Variants in LOXL1 observed in about 807,000 individuals in gnomAD.
The protein encoded by LOXL1 is lysyl oxidase homolog 1.
A neutral mutation model predicts 62.2 loss-of-function variants in LOXL1; 31 were observed. The ratio of observed to expected loss-of-function variants is 0.50; its 90% CI spans 0.37 to 0.67. The LOEUF is 0.67. Among genes scored for constraint, LOXL1 ranks in the 30% least tolerant of loss-of-function variants. The probability of loss-of-function intolerance (pLI) is 0.00; values close to 1 mark genes in which losing one functional copy is unlikely to be tolerated. For missense variants in LOXL1, 775 were observed against 843.4 expected, an observed-to-expected ratio of 0.92 and a Z score of 1.00; for synonymous variants, 403 against 384.4, an observed-to-expected ratio of 1.05 and a Z score of -0.56.
At chr15:73,944,961 C>T (rs1232846457) in intron 2 of LOXL1, among the ~76,000 whole-genome samples, 2 of 152,322 alleles carry the variant, frequency 1.3e-5, no homozygotes, top group East Asian at 1.9e-4. Flanking sequence ...GCCTTAGGAT[C>T]GGACCTTAAT....
intron 1 of LOXL1, among the ~76,000 whole-genome samples, chr15:73,929,018 A>G (rs1050458965): frequency 2.0e-5 from 3 of 152,192 alleles, no homozygotes; most frequent in African/African-American, 7.2e-5. Context: ...CCCTCTGCAC[A>G]TGAGGACACA....
Position 73,926,942 on chromosome 15 carries a change from C to T in LOXL1, c.159C>T (p.Ser53=). ...IQWENNGQVY[S]LLNSGSEYVP... ...GGGAGAACAACGGGCAGGTGTACAG[C>T]TTGCTCAACTCGGGCTCAGAGTACG... Residue 53 remains serine (S), a synonymous_variant, in exon 1 of 7, where the codon AGC becomes AGT. Transcript: ENST00000261921. The T allele has an allele frequency of 6.4e-7, 1 of 1,561,216 alleles. No individual in the cohort carries two copies. Among genetic ancestry groups the T allele is most frequent in the East Asian group, 2.4e-5 (1 of 41,738 alleles).
rs1317516682 is a variant in LOXL1, at chr15:73,946,470, T to A, written c.1265T>A (p.Phe422Tyr). 6.2e-7 allele frequency: 1 copy of A among 1,613,008 alleles called. No homozygotes were observed. ...TACGATGTGCGGGTGCTACTGCGCTTCCCCCAGCGCGTGAAGAACCAGGGC... is the reference window on the plus strand; with the variant it reads ...TACGATGTGCGGGTGCTACTGCGCTACCCCCAGCGCGTGAAGAACCAGGGC... ...TDYDVRVLLR[F>Y]PQRVKNQGTA... is the part of the protein sequence containing the mutation. Residue 422 changes from phenylalanine to tyrosine, a missense_variant, in exon 3 of 7, where the codon TTC becomes TAC. By Grantham distance (22) the Phe-to-Tyr change is conservative. Transcript: ENST00000261921.
chr15:73,938,319 G>GTCTATCTATCTATCTATC lies in LOXL1; in HGVS notation c.1103-4534_1103-4533insCTATCTATCTATCTATCT, dbSNP rs1555433316. 4.2e-3 allele frequency among the ~76,000 whole-genome samples: 384 copies of GTCTATCTATCTATCTATC among 91,032 alleles called. 1 individual carries two copies. Among genetic ancestry groups the GTCTATCTATCTATCTATC allele is most frequent in the African/African-American group, 9.9e-3 (202 of 20,446 alleles). The allele number at this position is 91,032 out of a possible 152,430, so 59.7% of individuals were successfully genotyped here. A position where few individuals can be genotyped will look rare whatever the true frequency, so the allele number is the denominator to read the frequency against. Reference sequence around the variant, plus strand: ...TCTATCTATCTATCTATCTATCTAGGTAGATAGATAGAACAGGAGGCCAGC... The same window carrying GTCTATCTATCTATCTATC: ...TCTATCTATCTATCTATCTATCTAGGTCTATCTATCTATCTATCTAGATAGATAGAACAGGAGGCCAGC... On this transcript the variant is annotated intron_variant, in intron 1 of 6. Transcript: ENST00000261921.
rs894370884 is a variant in LOXL1 at position 73,930,741 on chromosome 15, C to T, written c.1102+2856C>T. Among the ~76,000 whole-genome samples, 5 of 152,170 alleles carry T rather than the reference C, an allele frequency of 3.3e-5. No homozygotes were observed. Among genetic ancestry groups the T allele is most frequent in the African/African-American group, 9.7e-5 (4 of 41,436 alleles). On this transcript the variant is annotated intron_variant, in intron 1 of 6. Transcript: ENST00000261921. The surrounding 1 kb of genome is among the most constrained non-coding windows in gnomAD (Gnocchi z 4.7). ...CCTGTCCTGAGCCCAGTTTCTTCCT[C>T]GGGTACCTGTGCCCTCTTCCTTCCT...
chr15:73,951,484 G>A (rs968432115), intron 6 of LOXL1, among the ~76,000 whole-genome samples: 3 of 151,976 alleles, frequency 2.0e-5, no homozygotes, highest in Non-Finnish European at 2.9e-5. Context: ...GGTTTCCATC[G>A]TGTTTCTGGA....
chr15:73,944,464 G>A (rs538595390), intron 2 of LOXL1, among the ~76,000 whole-genome samples: 4 of 152,308 alleles, frequency 2.6e-5, no homozygotes, highest in African/African-American at 9.6e-5. Context: ...CAGAAGGACT[G>A]GTTCACAGGC....
intron 1 of LOXL1, among the ~76,000 whole-genome samples, chr15:73,940,972 A>G (rs1423442449): frequency 6.6e-6 from 1 of 151,684 alleles, no homozygotes; most frequent in Non-Finnish European, 1.5e-5. Context: ...GGGTGGGGGC[A>G]GCAAGCTGTC....
At chr15:73,937,177 C>T (rs1002924291) in intron 1 of LOXL1, among the ~76,000 whole-genome samples, 3 of 152,160 alleles carry the variant, frequency 2.0e-5, no homozygotes, top group Non-Finnish European at 1.5e-5. Flanking sequence ...CAACTCCAGA[C>T]CCAGCATTGA....
chr15:73,938,753 C>T (rs1057402339), intron 1 of LOXL1, among the ~76,000 whole-genome samples: 3 of 152,078 alleles, frequency 2.0e-5, no homozygotes, highest in African/African-American at 4.8e-5. Flanking sequence ...CGGTGGTTCA[C>T]GCCTGCAATC....
chr15:73,950,934 A>G (rs1295436339), intron 6 of LOXL1, among the ~76,000 whole-genome samples: 2 of 152,266 alleles, frequency 1.3e-5, no homozygotes, highest in Admixed American at 6.5e-5. Context: ...CCCAGGGCAC[A>G]CAGCATGTTT....
chr15:73,937,595 G>A (rs1011219447), intron 1 of LOXL1, among the ~76,000 whole-genome samples: 1 of 152,252 alleles, frequency 6.6e-6, no homozygotes, highest in South Asian at 2.1e-4. Flanking sequence ...CCGGCACAGG[G>A]CCTCAGGCCC....
In LOXL1 at chr15:73,947,265, G is replaced by A. The variant is rs768937332; in HGVS notation, c.1506+42G>A. The A allele has an allele frequency of 1.3e-5, 21 of 1,560,402 alleles. 1 individual carries two copies. Among genetic ancestry groups the A allele is most frequent in the Non-Finnish European group, 1.8e-5 (21 of 1,146,546 alleles). ...GGGGTTTGGGGCATGGGAGGATAAGGAGTTGGGGAGGCAAAGAGCGAGGCC... is the reference window on the plus strand; with the variant it reads ...GGGGTTTGGGGCATGGGAGGATAAGAAGTTGGGGAGGCAAAGAGCGAGGCC... On this transcript the variant is annotated intron_variant, in intron 4 of 6. Coordinates refer to ENST00000261921, the MANE Select transcript of LOXL1 (RefSeq NM_005576.4).
chr15:73,940,471 T>C (rs2141630878), intron 1 of LOXL1, among the ~76,000 whole-genome samples: 1 of 152,128 alleles, frequency 6.6e-6, no homozygotes, highest in Admixed American at 6.5e-5. Flanking sequence ...TTTTTTCCTT[T>C]AGCTGAAGAG....
Position 73,926,645 on chromosome 15 carries a change from G to A in LOXL1, c.-139G>A. The A allele has an allele frequency of 9.6e-7, 1 of 1,042,008 alleles. No individual in the cohort carries two copies. The highest frequency in any genetic ancestry group is 3.2e-5 in the East Asian group (1 of 31,454). The allele number at this position is 1,042,008 out of a possible 1,614,324, so 64.5% of individuals were successfully genotyped here. A position where few individuals can be genotyped will look rare whatever the true frequency, so the allele number is the denominator to read the frequency against. ...TCATCGGAGGAGCCGTCCCGCTCGG[G>A]ACAAGGCCAGCATGGACAAAGCTAG... On this transcript the variant is annotated 5_prime_UTR_variant, in exon 1 of 7. Coordinates refer to ENST00000261921, the MANE Select transcript of LOXL1 (RefSeq NM_005576.4).
chr15:73,937,158 A>T (rs1364733024), intron 1 of LOXL1, among the ~76,000 whole-genome samples: 1 of 152,132 alleles, frequency 6.6e-6, no homozygotes, highest in East Asian at 1.9e-4. Context: ...CGGGCACGGG[A>T]GCCGTCAGCA....
chr15:73,929,348 A>G (rs1284366311), intron 1 of LOXL1, among the ~76,000 whole-genome samples: 1 of 152,198 alleles, frequency 6.6e-6, no homozygotes, highest in Non-Finnish European at 1.5e-5. Flanking sequence ...GCCTCAGAGT[A>G]TAGGTGCTAG....
In LOXL1 at chr15:73,927,742, C is replaced by A; in HGVS notation, c.959C>A (p.Ala320Glu). 1 of 1,456,162 alleles carries A rather than the reference C, an allele frequency of 6.9e-7. No individual in the cohort carries two copies. The highest frequency in any genetic ancestry group is 9.0e-7 in the Non-Finnish European group (1 of 1,110,580). 90.2% of individuals were successfully genotyped at this position (1,456,162 alleles called of 1,614,324 possible). Residue 320 changes from alanine to glutamate, a missense_variant, in exon 1 of 7, where the codon GCG (alanine) becomes GAG (glutamate). By Grantham distance (107) the Ala-to-Glu change is moderately radical. Transcript: ENST00000261921. ...CCCTACGCCAACCCGCCGCCCGAGG[C>A]GTACGGGCCGCCGCGCGCGCTGGAG... ...YPPYANPPPE[A>E]YGPPRALEPP...
At chr15:73,949,311 G>A in intron 5 of LOXL1, 148 bp from the exon 6 acceptor site, 1 of 664,268 alleles carries the variant, frequency 1.5e-6, no homozygotes, top group Non-Finnish European at 2.7e-6. Context: ...TTTCCCCTCT[G>A]TGTCTCTCTA....
Sources: allele counts gnomAD v4.1 joint callset (sites outside exome capture counted in the v4.1 genomes callset), GRCh38; gene constraint gnomAD v4.1.1; non-coding constraint Gnocchi (gnomAD v3.1); transcripts MANE v1.5; gene names NCBI Gene and HGNC (gene_info 2026-07-23, HGNC 2026-07-21).